The following MCF2L variants were observed in gnomAD, a reference collection of about 807,000 sequenced individuals.
MCF2L encodes the protein MCF.2 cell line derived transforming sequence like, also known as guanine nucleotide exchange factor DBS.
A neutral mutation model predicts 153.4 loss-of-function variants in MCF2L; 97 were observed. The observed-to-expected ratio is 0.63, with a 90% confidence interval of 0.54 to 0.75. The LOEUF (loss-of-function observed/expected upper bound fraction) is 0.75. Ranked by LOEUF, MCF2L falls within the 30% of genes least tolerant of loss-of-function variation. The probability of loss-of-function intolerance (pLI) is 0.00; values close to 1 mark genes in which losing one functional copy is unlikely to be tolerated. For missense variants in MCF2L, 1,347 were observed against 1,495.2 expected (o/e 0.90, Z 1.64); for synonymous variants, 659 against 632.2 (o/e 1.04, Z -0.64).
At position 112,979,538 on chromosome 13, in the gene MCF2L, G is replaced by A. The variant is rs753557063; in HGVS notation, c.79+10080G>A. 285 of 1,511,322 alleles carry A rather than the reference G, an allele frequency of 1.9e-4. 2 individuals carry two copies. Among genetic ancestry groups the A allele is most frequent in the Non-Finnish European group, 5.1e-5 (58 of 1,134,100 alleles). The allele number at this position is 1,511,322 out of a possible 1,614,324, so 93.6% of individuals were successfully genotyped here. ...TGTCTCTTGTGACCATGCGGCACCC[G>A]CCCGGCTTTTAGCTGTCGCAGCAGA... is the stretch of plus-strand genomic sequence containing the variant. On this transcript the variant is annotated intron_variant, in intron 1 of 29. Transcript: ENST00000535094.
intron 1 of MCF2L, among the ~76,000 whole-genome samples, chr13:112,972,598 A>T (rs2082080103): frequency 7.0e-6 from 1 of 143,228 alleles, no homozygotes; most frequent in Non-Finnish European, 1.5e-5. Flanking sequence ...GGATGAGTGG[A>T]TGCTTGGACG....
At chr13:113,094,711 C>T in intron 27 of MCF2L, 76 bp downstream of exon 27, 3 of 1,529,040 alleles carry the variant, frequency 2.0e-6, no homozygotes, top group Non-Finnish European at 2.6e-6. Flanking sequence ...GGCAGGTCCA[C>T]CCAGGCTTGG....
chr13:112,982,155 G>A (rs1299519951), intron 1 of MCF2L, among the ~76,000 whole-genome samples: 1 of 152,210 alleles, frequency 6.6e-6, no homozygotes, highest in East Asian at 1.9e-4. Flanking sequence ...AGGAGCTTTG[G>A]AAAGAGGTCT....
rs560973215 is a variant in MCF2L, at chr13:112,960,166, G to A, written c.170-54597G>A. On this transcript the variant is annotated intron_variant, in intron 2 of 29. Transcript: ENST00000375608. This position sits in a 1 kb window ranked among gnomAD's most constrained non-coding sequence, Gnocchi z 4.2. ...GTAATTTACACACAATGGAAGTTTA[G>A]TTGGCTCATGGTCCTGGAGGCTTGG... Among the ~76,000 whole-genome samples the A allele has an allele frequency of 2.0e-5, 3 of 152,378 alleles. No homozygotes were observed. The highest frequency in any genetic ancestry group is 7.2e-5 in the African/African-American group (3 of 41,584).
chr13:112,909,382 G>A, intron 2 of MCF2L: 2 of 763,088 alleles, frequency 2.6e-6, no homozygotes, highest in Non-Finnish European at 4.9e-6. Flanking sequence ...TTGAAGCCAG[G>A]CTAAGGCGTT....
intron 21 of MCF2L, among the ~76,000 whole-genome samples, chr13:113,086,986 G>A (rs1308194216): frequency 3.9e-5 from 6 of 152,096 alleles, no homozygotes; most frequent in African/African-American, 9.7e-5. Context: ...TACACCCAGC[G>A]CTAGAGCATC....
chr13:113,020,631 C>T (rs1179360274), intron 2 of MCF2L, among the ~76,000 whole-genome samples: 2 of 152,236 alleles, frequency 1.3e-5, no homozygotes, highest in African/African-American at 4.8e-5. Context: ...AGCAAGCCCA[C>T]AGAATCCCAT....
chr13:112,992,255 C>T (rs562356994), intron 1 of MCF2L, among the ~76,000 whole-genome samples: 83 of 152,300 alleles, frequency 5.4e-4, no homozygotes, highest in African/African-American at 1.9e-3. Flanking sequence ...GAAAAAAATC[C>T]AAAATCCGAA....
intron 27 of MCF2L, 155 bp from the exon 28 acceptor site, chr13:113,096,216 C>T: frequency 1.6e-6 from 1 of 638,898 alleles, no homozygotes; most frequent in Non-Finnish European, 2.8e-6. Flanking sequence ...GCGGCGTAGC[C>T]TCCTCCCAAG....
intron 2 of MCF2L, among the ~76,000 whole-genome samples, chr13:112,927,259 A>T (rs2081417373): frequency 6.6e-6 from 1 of 152,222 alleles, no homozygotes; most frequent in East Asian, 1.9e-4. Flanking sequence ...AATCTGTCCC[A>T]AAAGTACTCT....
chr13:113,000,875 C>A (rs1470327239), intron 1 of MCF2L, among the ~76,000 whole-genome samples: 1 of 110,844 alleles, frequency 9.0e-6, no homozygotes, highest in East Asian at 2.7e-4. Flanking sequence ...CCCAGCACCC[C>A]TCCCAGGCCT....
chr13:113,003,916 G>T (rs1027920390), intron 1 of MCF2L, among the ~76,000 whole-genome samples: 2 of 152,244 alleles, frequency 1.3e-5, no homozygotes, highest in Admixed American at 6.5e-5. Context: ...CTGTCCTCGG[G>T]CCCAGAGGGT....
Position 113,035,572 on chromosome 13 carries a change from T to C in MCF2L, c.279-9699T>C, listed in dbSNP as rs762554383. On this transcript the variant is annotated intron_variant, in intron 3 of 29. Coordinates refer to ENST00000535094, the MANE Select transcript of MCF2L (RefSeq NM_001112732.3). This position sits in a 1 kb window ranked among gnomAD's most constrained non-coding sequence, Gnocchi z 4.4. Reference sequence around the variant, plus strand: ...TCCCTGGCTCCTTCGCCTGCTGCCTTTTTCTTCCATGAGGATGCGGTTCCC... The same window carrying C: ...TCCCTGGCTCCTTCGCCTGCTGCCTCTTTCTTCCATGAGGATGCGGTTCCC... 1.3e-5 allele frequency among the ~76,000 whole-genome samples: 2 copies of C among 152,168 alleles called. No individual in the cohort carries two copies. Among genetic ancestry groups the C allele is most frequent in the Non-Finnish European group, 2.9e-5 (2 of 68,034 alleles).
chr13:113,052,774 T>G (rs2087440756), intron 4 of MCF2L: 2 of 152,142 alleles, frequency 1.3e-5, no homozygotes, highest in African/African-American at 4.8e-5. Flanking sequence ...TGTGTGCGTG[T>G]GTACAAAAAC....
chr13:112,979,835 G>A, intron 1 of MCF2L: 1 of 1,362,888 alleles, frequency 7.3e-7, no homozygotes, highest in South Asian at 1.4e-5. Context: ...GCGGGCAGGT[G>A]CCTCCCTGGG....
At chr13:112,910,889 G>T (rs554030288) in intron 2 of MCF2L, among the ~76,000 whole-genome samples, 54 of 152,294 alleles carry the variant, frequency 3.5e-4, no homozygotes, top group African/African-American at 1.3e-3. Context: ...AAAATATTTC[G>T]TGGGAGAATT....
chr13:112,972,588 G>A lies in MCF2L; in HGVS notation c.79+3130G>A, dbSNP rs1023381142. ...GAGGATGATGAATGGGTAGATGGAT[G>A]GATGAGTGGATGCTTGGACGGATGA... On this transcript the variant is annotated intron_variant, in intron 1 of 29. Transcript: ENST00000535094. 3.1e-4 allele frequency among the ~76,000 whole-genome samples: 47 copies of A among 149,272 alleles called. 1 individual carries two copies. The highest frequency in any genetic ancestry group is 2.7e-3 in the Admixed American group (41 of 15,012).
At chr13:112,979,757 A>G in intron 1 of MCF2L, 1 of 1,611,052 alleles carries the variant, frequency 6.2e-7, no homozygotes, top group Non-Finnish European at 8.5e-7. Flanking sequence ...GCTCGAGGCC[A>G]GGTGAGATAC....
In MCF2L at chr13:112,989,825, A is replaced by G. The variant is rs537168861; in HGVS notation, c.79+20367A>G. Among the ~76,000 whole-genome samples the G allele has an allele frequency of 7.2e-5, 11 of 152,340 alleles. No homozygotes were observed. In the South Asian group the frequency reaches 1.2e-3, roughly 17 times the overall value. On this transcript the variant is annotated intron_variant, in intron 1 of 29. Transcript: ENST00000535094. Reference sequence around the variant, plus strand: ...CAATCTCTTAAACCAGCAGTCCCCAATCTTTCTGGCACCGGGGACCAGTTT... The same window carrying G: ...CAATCTCTTAAACCAGCAGTCCCCAGTCTTTCTGGCACCGGGGACCAGTTT...
Sources: gnomAD v4.1 joint callset for allele counts (sites outside exome capture counted in the v4.1 genomes callset) on GRCh38, gnomAD v4.1.1 for gene constraint, Gnocchi (gnomAD v3.1) non-coding constraint, MANE v1.5 for transcripts, NCBI Gene and HGNC (gene_info 2026-07-23, HGNC 2026-07-21) for gene names.